LPP: variants seen among roughly 807,000 people sequenced by gnomAD.
LPP encodes the protein lipoma-preferred partner.
In LPP, 38 loss-of-function variants were observed where a neutral mutation model predicts 60.4. That is an observed-to-expected ratio of 0.63 (90% CI 0.49 to 0.83). The LOEUF is 0.83. Ranked by LOEUF, LPP falls within the 40% of genes least tolerant of loss-of-function variation. The pLI is 0.00. For missense variants in LPP, 902 were observed against 783.6 expected, an observed-to-expected ratio of 1.15 and a Z score of -1.80; for synonymous variants, 328 against 290.8, an observed-to-expected ratio of 1.13 and a Z score of -1.30.
At chr3:188,712,981 T>A (rs1242198319) in intron 8 of LPP, 5 of 152,208 alleles carry the variant, frequency 3.3e-5, no homozygotes, top group Admixed American at 6.5e-5. Flanking sequence ...TTTATTTATA[T>A]TGAATTATAA....
At position 188,699,705 on chromosome 3, in the gene LPP, G is replaced by C. The variant is rs1863990169; in HGVS notation, c.1114-8562G>C. Among the ~76,000 whole-genome samples the C allele has an allele frequency of 2.0e-5, 3 of 152,236 alleles. No homozygotes were observed. In the South Asian group the frequency reaches 6.2e-4, roughly 32 times the overall value. On this transcript the variant is annotated intron_variant, in intron 7 of 11. Transcript: ENST00000617246. ...AGGAGCTGTGAGGAGTGTTCATTTA[G>C]AAGATTTCAATTCAGATAGTCAGGT... is the stretch of plus-strand genomic sequence containing the variant.
intron 9 of LPP, among the ~76,000 whole-genome samples, chr3:188,803,373 T>C (rs753822142): frequency 3.6e-4 from 55 of 152,322 alleles, no homozygotes; most frequent in Admixed American, 1.1e-3. Context: ...TGTTCTGTTA[T>C]GTTCATGAGG....
chr3:188,193,326 A>AGATT (rs1384988070), intron 1 of LPP, among the ~76,000 whole-genome samples: 1 of 152,204 alleles, frequency 6.6e-6, no homozygotes, highest in Non-Finnish European at 1.5e-5. Flanking sequence ...ACTGTGAGCT[A>AGATT]GATTGCCTAG....
chr3:188,189,917 G>A (rs1727675913), intron 1 of LPP, among the ~76,000 whole-genome samples: 1 of 152,018 alleles, frequency 6.6e-6, no homozygotes, highest in African/African-American at 2.4e-5. Context: ...GGAGGTATTG[G>A]GGGACAGGGA....
At chr3:188,294,497 A>G (rs1747185691) in intron 2 of LPP, among the ~76,000 whole-genome samples, 1 of 152,208 alleles carries the variant, frequency 6.6e-6, no homozygotes, top group South Asian at 2.1e-4. Flanking sequence ...AATGGTGAAC[A>G]CACTTAAGGA....
chr3:188,502,729 A>G (rs1812269211), intron 5 of LPP, among the ~76,000 whole-genome samples: 1 of 152,178 alleles, frequency 6.6e-6, no homozygotes, highest in Non-Finnish European at 1.5e-5. Context: ...TGCATTTAAT[A>G]TACCTAACAT....
At chr3:188,313,084 G>A (rs1229036748) in intron 2 of LPP, among the ~76,000 whole-genome samples, 1 of 151,472 alleles carries the variant, frequency 6.6e-6, no homozygotes, top group Non-Finnish European at 1.5e-5. Context: ...GTATACATAT[G>A]TAACAAATCT....
In LPP at chr3:188,431,064, TAC is replaced by T. The variant is rs1019107399; in HGVS notation, c.193+24753_193+24754del. On this transcript the variant is annotated intron_variant, in intron 4 of 11. Coordinates refer to ENST00000617246, the MANE Select transcript of LPP (RefSeq NM_001375462.1). ...TAGTATTCCTAAGCAGCTTATCTCA[TAC>T]AGTTTTCTCTATATTGAATATGATT... is the stretch of plus-strand genomic sequence containing the variant. Among the ~76,000 whole-genome samples, 9 of 152,260 alleles carry T rather than the reference TAC, an allele frequency of 5.9e-5. No homozygotes were observed. The South Asian group carries it at 6.2e-4, about 11-fold the overall frequency.
chr3:188,793,515 C>G (rs745707989), intron 9 of LPP, among the ~76,000 whole-genome samples: 1 of 151,986 alleles, frequency 6.6e-6, no homozygotes, highest in African/African-American at 2.4e-5. Flanking sequence ...AAATTGAGAC[C>G]CACATCAGCG....
chr3:188,226,816 G>C (rs1415072932), intron 2 of LPP, among the ~76,000 whole-genome samples: 1 of 152,146 alleles, frequency 6.6e-6, no homozygotes, highest in Non-Finnish European at 1.5e-5. Context: ...GTTTATAGAT[G>C]TGTTTTGTCT....
chr3:188,571,435 A>T (rs1833522282), intron 6 of LPP, among the ~76,000 whole-genome samples: 1 of 152,018 alleles, frequency 6.6e-6, no homozygotes, highest in East Asian at 1.9e-4. Flanking sequence ...TCACAAAAAA[A>T]AAAGAACCCC....
intron 3 of LPP, among the ~76,000 whole-genome samples, chr3:188,386,758 G>A (rs978592050): frequency 6.6e-6 from 1 of 152,120 alleles, no homozygotes; most frequent in Non-Finnish European, 1.5e-5. Context: ...CCATTATTCT[G>A]TTCAATAGCC....
At chr3:188,742,889 G>T (rs1415404042) in intron 8 of LPP, among the ~76,000 whole-genome samples, 1 of 152,162 alleles carries the variant, frequency 6.6e-6, no homozygotes, top group Non-Finnish European at 1.5e-5. Flanking sequence ...TTGAAATTCG[G>T]CCAAGGCATA....
chr3:188,422,240 T>C (rs1787997166), intron 4 of LPP, among the ~76,000 whole-genome samples: 1 of 152,202 alleles, frequency 6.6e-6, no homozygotes, highest in African/African-American at 2.4e-5. Context: ...TTTTGGTCAG[T>C]AATCATCAGT....
intron 1 of LPP, among the ~76,000 whole-genome samples, chr3:188,166,465 A>G (rs1157657915): frequency 1.3e-5 from 2 of 152,220 alleles, no homozygotes; most frequent in African/African-American, 2.4e-5. Context: ...TCCACATAGC[A>G]TAATACTTAT....
intron 4 of LPP, among the ~76,000 whole-genome samples, chr3:188,445,688 G>A (rs185579974): frequency 1.3e-4 from 20 of 151,864 alleles, no homozygotes; most frequent in African/African-American, 4.8e-4. Context: ...ATTTATTCAG[G>A]CAATGTTTGG....
chr3:188,336,427 G>C (rs1413008247), intron 2 of LPP, among the ~76,000 whole-genome samples: 1 of 152,152 alleles, frequency 6.6e-6, no homozygotes, highest in Admixed American at 6.5e-5. Flanking sequence ...AGGAGTGCAG[G>C]GAAGTTTGGA....
At chr3:188,771,725 AG>A (rs903986496) in intron 9 of LPP, among the ~76,000 whole-genome samples, 1 of 152,184 alleles carries the variant, frequency 6.6e-6, no homozygotes, top group African/African-American at 2.4e-5. Context: ...TAACTGTACC[AG>A]GGCTTAGCCC....
intron 8 of LPP, among the ~76,000 whole-genome samples, chr3:188,737,382 T>A (rs1300275939): frequency 6.6e-6 from 1 of 152,160 alleles, no homozygotes; most frequent in Non-Finnish European, 1.5e-5. Flanking sequence ...AGCCAGTAAT[T>A]TATCAAAGAG....
Sources: gnomAD v4.1 joint callset for allele counts (sites outside exome capture counted in the v4.1 genomes callset) on GRCh38, gnomAD v4.1.1 for gene constraint, MANE v1.5 for transcripts, NCBI Gene and HGNC (gene_info 2026-07-23, HGNC 2026-07-21) for gene names.